ST8SIA4: variants seen among roughly 807,000 people sequenced by gnomAD.
The protein encoded by ST8SIA4 is ST8 alpha-N-acetyl-neuraminide alpha-2,8-sialyltransferase 4, also known as CMP-N-acetylneuraminate-poly-alpha-2,8-sialyltransferase.
ST8SIA4 carries 15 observed loss-of-function variants against 33.9 expected under a neutral mutation model. That is an observed-to-expected ratio of 0.44 (90% CI 0.30 to 0.68). The LOEUF is 0.68. Ranked by LOEUF, ST8SIA4 falls within the 30% of genes least tolerant of loss-of-function variation. ST8SIA4 has a pLI of 0.10. For synonymous variants in ST8SIA4, 171 were observed against 151.2 expected (o/e 1.13, Z -0.96); for missense variants, 321 against 428.0 (o/e 0.75, Z 2.21).
intron 1 of ST8SIA4, among the ~76,000 whole-genome samples, chr5:100,897,966 G>A (rs574757367): frequency 2.6e-5 from 4 of 152,100 alleles, no homozygotes; most frequent in African/African-American, 7.2e-5. Context: ...AGAAGCTAAC[G>A]TTCACACTTT....
intron 1 of ST8SIA4, among the ~76,000 whole-genome samples, chr5:100,901,372 G>A (rs992338060): frequency 1.3e-5 from 2 of 152,168 alleles, no homozygotes; most frequent in African/African-American, 4.8e-5. Flanking sequence ...AGGGAACAAA[G>A]AGCCTCGACC....
chr5:100,826,961 TACACAC>T (rs528367578), intron 4 of ST8SIA4, among the ~76,000 whole-genome samples: 4 of 147,466 alleles, frequency 2.7e-5, no homozygotes, highest in South Asian at 2.2e-4. Context: ...TGTGTGTATA[TACACAC>T]ACACACACAC....
intron 3 of ST8SIA4, among the ~76,000 whole-genome samples, chr5:100,862,663 A>G (rs559112264): frequency 7.2e-5 from 11 of 152,286 alleles, no homozygotes; most frequent in African/African-American, 2.6e-4. Context: ...CTGCCTCCCA[A>G]GTAGCTGGGA....
At chr5:100,828,721 G>C (rs1236184165) in intron 4 of ST8SIA4, among the ~76,000 whole-genome samples, 2 of 152,172 alleles carry the variant, frequency 1.3e-5, no homozygotes, top group African/African-American at 2.4e-5. Context: ...TCAGAAGACT[G>C]TGTGGGATGT....
At chr5:100,845,771 A>G (rs1213522279) in intron 4 of ST8SIA4, among the ~76,000 whole-genome samples, 1 of 151,976 alleles carries the variant, frequency 6.6e-6, no homozygotes, top group Non-Finnish European at 1.5e-5. Flanking sequence ...TTTTTCCTCT[A>G]TTGAACACCA....
At chr5:100,819,013 G>A (rs1303905434) in intron 4 of ST8SIA4, among the ~76,000 whole-genome samples, 1 of 152,084 alleles carries the variant, frequency 6.6e-6, no homozygotes, top group Non-Finnish European at 1.5e-5. Context: ...TTTGCCAACT[G>A]TCTCATATTT....
intron 4 of ST8SIA4, among the ~76,000 whole-genome samples, chr5:100,839,162 A>T (rs1450900531): frequency 1.3e-5 from 2 of 151,972 alleles, no homozygotes; most frequent in Non-Finnish European, 2.9e-5. Context: ...TTGCCAACTT[A>T]GAATATGCAA....
intron 3 of ST8SIA4, among the ~76,000 whole-genome samples, chr5:100,877,400 C>T (rs1329764926): frequency 1.3e-5 from 2 of 152,212 alleles, no homozygotes; most frequent in South Asian, 2.1e-4. Flanking sequence ...AGAGGAGACA[C>T]ATTGGCAATA....
At chr5:100,876,075 C>T (rs1350771219) in intron 3 of ST8SIA4, among the ~76,000 whole-genome samples, 2 of 151,966 alleles carry the variant, frequency 1.3e-5, no homozygotes, top group Non-Finnish European at 1.5e-5. Context: ...GACATAAAGC[C>T]TAAAACTATA....
chr5:100,887,802 G>A (rs1488843234), intron 2 of ST8SIA4, among the ~76,000 whole-genome samples: 2 of 151,980 alleles, frequency 1.3e-5, no homozygotes, highest in Non-Finnish European at 2.9e-5. Context: ...CTTTTAGTAA[G>A]GCACTAGAAG....
chr5:100,849,360 A>C, intron 4 of ST8SIA4: 2 of 985,434 alleles, frequency 2.0e-6, no homozygotes, highest in African/African-American at 3.5e-5. Context: ...CTTCCTTGGA[A>C]ATCAAATTTC....
chr5:100,880,589 T>G (rs1158294892), intron 3 of ST8SIA4, among the ~76,000 whole-genome samples: 2 of 152,072 alleles, frequency 1.3e-5, no homozygotes, highest in Non-Finnish European at 2.9e-5. Context: ...AGAAGCTGCT[T>G]TATGATGAAG....
intron 3 of ST8SIA4, among the ~76,000 whole-genome samples, chr5:100,882,273 T>C (rs1178530830): frequency 3.3e-5 from 5 of 152,166 alleles, no homozygotes; most frequent in Non-Finnish European, 7.4e-5. Context: ...CTTTTTATGT[T>C]TTAGCAAAAA....
chr5:100,860,671 G>A (rs1751917052), intron 3 of ST8SIA4, among the ~76,000 whole-genome samples: 1 of 152,098 alleles, frequency 6.6e-6, no homozygotes, highest in Non-Finnish European at 1.5e-5. Flanking sequence ...CATGTCCAAG[G>A]GCATATAGGT....
chr5:100,832,523 C>T (rs1369958339), intron 4 of ST8SIA4, among the ~76,000 whole-genome samples: 2 of 152,122 alleles, frequency 1.3e-5, no homozygotes, highest in East Asian at 3.9e-4. Flanking sequence ...CAAAGTATGA[C>T]TCTCTCTTTT....
intron 3 of ST8SIA4, among the ~76,000 whole-genome samples, chr5:100,864,658 G>A (rs1306861269): frequency 1.3e-5 from 2 of 151,172 alleles, no homozygotes; most frequent in Non-Finnish European, 2.9e-5. Flanking sequence ...AATGCGGGGA[G>A]GTATCTTGTC....
At chr5:100,878,108 C>T (rs558087086) in intron 3 of ST8SIA4, among the ~76,000 whole-genome samples, 49 of 152,118 alleles carry the variant, frequency 3.2e-4, no homozygotes, top group African/African-American at 1.2e-3. Flanking sequence ...TAGGAGTGGC[C>T]TAATTAATCA....
chr5:100,859,054 T>A, intron 3 of ST8SIA4, among the ~76,000 whole-genome samples: 1 of 152,078 alleles, frequency 6.6e-6, no homozygotes, highest in East Asian at 1.9e-4. Context: ...TTTTTAGTCA[T>A]ATAATTAGCT....
At chr5:100,824,900 A>C (rs1751109970) in intron 4 of ST8SIA4, among the ~76,000 whole-genome samples, 1 of 151,452 alleles carries the variant, frequency 6.6e-6, no homozygotes, top group South Asian at 2.1e-4. Context: ...TCTTGACAAA[A>C]AAAAAAAAAA....
Sources: allele counts gnomAD v4.1 joint callset (sites outside exome capture counted in the v4.1 genomes callset), GRCh38; gene constraint gnomAD v4.1.1; transcripts MANE v1.5; gene names NCBI Gene and HGNC (gene_info 2026-07-23, HGNC 2026-07-21).